Variants in SOX6 observed in about 807,000 individuals in gnomAD.
SOX6 encodes transcription factor SOX-6.
SOX6 carries 11 observed loss-of-function variants against 97.8 expected under a neutral mutation model. The ratio of observed to expected loss-of-function variants is 0.11; its 90% CI spans 0.07 to 0.19. The LOEUF is 0.19. Ranked by LOEUF, SOX6 falls within the 10% of genes least tolerant of loss-of-function variation. The pLI is 1.00. For synonymous variants in SOX6, 360 were observed against 371.4 expected, an observed-to-expected ratio of 0.97 and a Z score of 0.35; for missense variants, 810 against 1,039.5, an observed-to-expected ratio of 0.78 and a Z score of 3.04.
At chr11:15,977,788 T>C (rs1478674733) in intron 15 of SOX6, among the ~76,000 whole-genome samples, 10 of 152,054 alleles carry the variant, frequency 6.6e-5, no homozygotes, top group Non-Finnish European at 1.5e-4. Flanking sequence ...CTACTCCTTC[T>C]CTTAGCCTCC....
intron 4 of SOX6, among the ~76,000 whole-genome samples, chr11:16,586,034 T>A (rs1393403865): frequency 6.6e-6 from 1 of 152,162 alleles, no homozygotes; most frequent in Non-Finnish European, 1.5e-5. Context: ...TTCAGTCTTT[T>A]CAATAGTACA....
intron 12 of SOX6, among the ~76,000 whole-genome samples, chr11:16,039,457 G>A (rs1855600910): frequency 1.3e-5 from 2 of 151,958 alleles, no homozygotes; most frequent in African/African-American, 4.8e-5. Flanking sequence ...GTATCACCTT[G>A]GTAATCTCAA....
At chr11:16,728,005 C>T (rs1358782650) in intron 2 of SOX6, among the ~76,000 whole-genome samples, 1 of 152,082 alleles carries the variant, frequency 6.6e-6, no homozygotes, top group Non-Finnish European at 1.5e-5. Context: ...ACCTCAGCAC[C>T]GCAAAGCCAC....
chr11:16,687,405 C>A (rs574230381), intron 3 of SOX6, among the ~76,000 whole-genome samples: 4 of 152,276 alleles, frequency 2.6e-5, no homozygotes, highest in African/African-American at 9.6e-5. Context: ...GGCATCAAAT[C>A]ATCAAGGATC....
At chr11:16,207,865 T>C (rs1590029136) in intron 4 of SOX6, among the ~76,000 whole-genome samples, 2 of 152,136 alleles carry the variant, frequency 1.3e-5, no homozygotes, top group Admixed American at 1.3e-4. Context: ...CTGTGGGCTG[T>C]GCAATAAGGC....
intron 4 of SOX6, among the ~76,000 whole-genome samples, chr11:16,217,648 C>G (rs866215782): frequency 6.6e-6 from 1 of 152,060 alleles, no homozygotes; most frequent in Admixed American, 6.6e-5. Context: ...CAATAGAAGG[C>G]TAACATTTTA....
intron 12 of SOX6, among the ~76,000 whole-genome samples, chr11:16,036,553 G>A (rs899745321): frequency 6.6e-6 from 1 of 152,162 alleles, no homozygotes; most frequent in African/African-American, 2.4e-5. Flanking sequence ...TAATGTGGAC[G>A]AGTTATGATT....
chr11:16,146,347 T>C (rs1850296629), intron 6 of SOX6, among the ~76,000 whole-genome samples: 2 of 152,092 alleles, frequency 1.3e-5, no homozygotes, highest in Non-Finnish European at 2.9e-5. Context: ...ATACAAAAAT[T>C]AATTCAAAAT....
At chr11:16,010,975 AC>A (rs1200738632) in intron 13 of SOX6, among the ~76,000 whole-genome samples, 2 of 151,974 alleles carry the variant, frequency 1.3e-5, no homozygotes, top group Non-Finnish European at 2.9e-5. Context: ...AATCCAACAT[AC>A]CTTTTTTAAA....
chr11:16,279,027 CT>C (rs1279090912), intron 3 of SOX6, among the ~76,000 whole-genome samples: 1 of 152,016 alleles, frequency 6.6e-6, no homozygotes, highest in African/African-American at 2.4e-5. Flanking sequence ...ATGTGAGTGT[CT>C]TTTTTTCCTC....
At chr11:16,693,812 G>T (rs1288622358) in intron 3 of SOX6, among the ~76,000 whole-genome samples, 1 of 152,098 alleles carries the variant, frequency 6.6e-6, no homozygotes, top group Admixed American at 6.6e-5. Flanking sequence ...TACAGCAGAA[G>T]TATTATCTAC....
intron 4 of SOX6, among the ~76,000 whole-genome samples, chr11:16,523,550 C>A (rs1424955602): frequency 2.0e-5 from 3 of 151,860 alleles, no homozygotes; most frequent in East Asian, 1.9e-4. Context: ...AAAATTGACA[C>A]CCTAACATCA....
chr11:16,346,894 A>G (rs1037313666), intron 1 of SOX6, among the ~76,000 whole-genome samples: 4 of 152,136 alleles, frequency 2.6e-5, no homozygotes, highest in African/African-American at 9.7e-5. Flanking sequence ...ACAGCAAAGC[A>G]CCAAAATTGT....
chr11:16,646,462 A>G (rs185508331), intron 3 of SOX6, among the ~76,000 whole-genome samples: 4 of 146,700 alleles, frequency 2.7e-5, no homozygotes, highest in African/African-American at 1.0e-4. Context: ...AAGTTTTTTT[A>G]TTTTCTTTGT....
At position 16,055,782 on chromosome 11, in the gene SOX6, C is replaced by T; in HGVS notation, c.1221G>A (p.Lys407=). 1 of 1,613,680 alleles carries T rather than the reference C, an allele frequency of 6.2e-7. No individual in the cohort carries two copies. The change falls in exon 10 of 16, where the codon AAG becomes AAA. Residue 407 remains lysine (K), a synonymous_variant. Coordinates refer to ENST00000683767, the MANE Select transcript of SOX6 (RefSeq NM_001367873.1). ...CTTGAGTTACAGGGCTGGTCCCTCTCTTTTCATTTTTTATCCCAGTAGGTG... is the reference window on the plus strand; with the variant it reads ...CTTGAGTTACAGGGCTGGTCCCTCTTTTTTCATTTTTTATCCCAGTAGGTG... ...TVSPTGIKNE[K]RGTSPVTQVK...
intron 1 of SOX6, among the ~76,000 whole-genome samples, chr11:16,353,696 G>A (rs1857006286): frequency 6.6e-6 from 1 of 151,970 alleles, no homozygotes; most frequent in African/African-American, 2.4e-5. Context: ...GCACAGAATT[G>A]TTTGAGTTAT....
rs1855229859 is a variant in SOX6, at chr11:16,300,651, G to A, written c.445+17795C>T. Among the ~76,000 whole-genome samples, 1 of 152,132 alleles carries A rather than the reference G, an allele frequency of 6.6e-6. No homozygotes were observed. Among genetic ancestry groups the A allele is most frequent in the African/African-American group, 2.4e-5 (1 of 41,422 alleles). ...CACTTTTAAGCCCTGTTGCAAAACAGCAGGAATGGCAGAGCAAGTGGGGCT... is the reference window on the plus strand; with the variant it reads ...CACTTTTAAGCCCTGTTGCAAAACAACAGGAATGGCAGAGCAAGTGGGGCT... On this transcript the variant is annotated intron_variant, in intron 3 of 15. Transcript: ENST00000683767. The surrounding 1 kb of genome is among the most constrained non-coding windows in gnomAD (Gnocchi z 4.1).
At chr11:16,010,475 C>T (rs1179859066) in intron 13 of SOX6, among the ~76,000 whole-genome samples, 1 of 151,674 alleles carries the variant, frequency 6.6e-6, no homozygotes, top group East Asian at 1.9e-4. Flanking sequence ...TACAACCTCC[C>T]AAAAAGGCTG....
intron 2 of SOX6, among the ~76,000 whole-genome samples, chr11:16,326,152 T>C (rs1856082653): frequency 6.6e-6 from 1 of 152,230 alleles, no homozygotes; most frequent in South Asian, 2.1e-4. Flanking sequence ...AAAAGATGCA[T>C]AATATCAATC....
Sources: gnomAD v4.1 joint callset for allele counts (sites outside exome capture counted in the v4.1 genomes callset) on GRCh38, gnomAD v4.1.1 for gene constraint, Gnocchi (gnomAD v3.1) non-coding constraint, MANE v1.5 for transcripts, NCBI Gene and HGNC (gene_info 2026-07-23, HGNC 2026-07-21) for gene names.